MYO10: variants seen among roughly 807,000 people sequenced by gnomAD.
The protein encoded by MYO10 is unconventional myosin-X.
MYO10 carries 133 observed loss-of-function variants against 257.3 expected under a neutral mutation model. The ratio of observed to expected loss-of-function variants is 0.52; its 90% CI spans 0.45 to 0.60. MYO10 has a LOEUF of 0.60. MYO10 is among the 20% of genes least tolerant of loss of function. The pLI, the probability that MYO10 is intolerant of heterozygous loss-of-function variation, is 0.00. For missense variants in MYO10, 2,399 were observed against 2,635.7 expected (o/e 0.91, Z 1.97); for synonymous variants, 1,104 against 1,028.6 (o/e 1.07, Z -1.40).
intron 2 of MYO10, among the ~76,000 whole-genome samples, chr5:16,844,937 T>TACAC (rs758225533): frequency 1.4e-5 from 2 of 144,988 alleles, no homozygotes; most frequent in Non-Finnish European, 3.0e-5. Flanking sequence ...TAATTCCAGA[T>TACAC]ACACACACAC....
intron 27 of MYO10, among the ~76,000 whole-genome samples, chr5:16,692,013 A>G (rs1024413956): frequency 6.6e-6 from 1 of 152,186 alleles, no homozygotes; most frequent in African/African-American, 2.4e-5. Context: ...ATTAAAAGAG[A>G]CTTGAGTGAT....
intron 19 of MYO10, among the ~76,000 whole-genome samples, chr5:16,718,017 G>C (rs930041047): frequency 7.2e-5 from 11 of 152,234 alleles, no homozygotes; most frequent in Non-Finnish European, 1.5e-4. Flanking sequence ...TTGCGGGTGG[G>C]CGTGGGCTTG....
In MYO10 at chr5:16,760,981, T is replaced by TATTA. The variant is rs1464252499; in HGVS notation, c.1739+482_1739+483insTAAT. ...TTGCTTATATTATTATTATTATTAT[T>TATTA]AATTTATTTATTTATTTATTTATTT... On this transcript the variant is annotated intron_variant, in intron 17 of 40. Coordinates refer to ENST00000513610, the MANE Select transcript of MYO10 (RefSeq NM_012334.3). Among the ~76,000 whole-genome samples the TATTA allele has an allele frequency of 6.3e-5, 9 of 142,290 alleles. No homozygotes were observed. The East Asian group carries it at 1.8e-3, about 28-fold the overall frequency. 93.3% of individuals were successfully genotyped at this position (142,290 alleles called of 152,430 possible). A position where few individuals can be genotyped will look rare whatever the true frequency, so the allele number is the denominator to read the frequency against.
intron 9 of MYO10, among the ~76,000 whole-genome samples, chr5:16,776,386 A>AT (rs1178994772): frequency 2.0e-5 from 3 of 152,106 alleles, no homozygotes; most frequent in Non-Finnish European, 4.4e-5. Flanking sequence ...ATTATAGCAA[A>AT]AATGTCATGT....
chr5:16,666,363 T>TA lies in MYO10; in HGVS notation c.*328dup. 1 of 248,412 alleles carries TA rather than the reference T, an allele frequency of 4.0e-6. No individual in the cohort carries two copies. The allele number at this position is 248,412 out of a possible 1,614,324, so 15.4% of individuals were successfully genotyped here. On this transcript the variant is annotated 3_prime_UTR_variant, in exon 41 of 41. Coordinates refer to ENST00000513610, the MANE Select transcript of MYO10 (RefSeq NM_012334.3). The stretch of plus-strand genomic sequence containing the variant: ...AGGCAGTTCCCTTCAGTAGCACAGT[T>TA]ACGGTCGATTAGTGTTGGTTCCACA...
At chr5:16,730,564 A>G (rs1024396030) in intron 19 of MYO10, among the ~76,000 whole-genome samples, 4 of 152,232 alleles carry the variant, frequency 2.6e-5, no homozygotes, top group African/African-American at 9.6e-5. Context: ...ACAAATCAGT[A>G]TGGAGCAGAG....
chr5:16,752,635 T>C (rs1403910281), intron 19 of MYO10, among the ~76,000 whole-genome samples: 1 of 152,208 alleles, frequency 6.6e-6, no homozygotes, highest in Admixed American at 6.5e-5. Flanking sequence ...TTTGAAAGAT[T>C]AAATATGGCA....
rs757225427 is a variant in MYO10, at chr5:16,702,572, GCT to G, written c.2525_2526del (p.Glu842AlafsTer31). On this transcript the variant is annotated frameshift_variant, in exon 24 of 41. Coordinates refer to ENST00000513610, the MANE Select transcript of MYO10 (RefSeq NM_012334.3). LOFTEE classifies it high-confidence loss of function. ...REEEERERERERREAELRAQQ... is the reference protein window; with the variant it reads ...REEEERERERXRREAELRAQQ... ...TGGGCGCGGAGCTCGGCTTCTCTTCGCTCTCTCTCTCTTTCTCTAAAAATAGT... is the reference window on the plus strand; with the variant it reads ...TGGGCGCGGAGCTCGGCTTCTCTTCGCTCTCTCTCTTTCTCTAAAAATAGT... 31 of 1,585,942 alleles carry G rather than the reference GCT, an allele frequency of 2.0e-5. No homozygotes were observed. The highest frequency in any genetic ancestry group is 6.8e-5 in the East Asian group (3 of 43,982).
chr5:16,777,424 T>G (rs1353710213), intron 9 of MYO10, among the ~76,000 whole-genome samples: 5 of 151,824 alleles, frequency 3.3e-5, no homozygotes. Flanking sequence ...ATGATTTATA[T>G]CCATTTGTTA....
chr5:16,668,377 TC>T lies in MYO10; in HGVS notation c.5974del (p.Glu1992LysfsTer42). On this transcript the variant is annotated frameshift_variant, in exon 40 of 41. Coordinates refer to ENST00000513610, the MANE Select transcript of MYO10 (RefSeq NM_012334.3). LOFTEE classifies it high-confidence loss of function. Reference protein sequence around the residue: ...VYKRGEGRPLEVFQYEHILSF... With the variant: ...VYKRGEGRPLXVFQYEHILSF... The stretch of plus-strand genomic sequence containing the variant: ...GAGGATGTGTTCATACTGGAAGACT[TC>T]CAGTGGTCTTCCCTCTCCACGCTTG... 1 of 1,613,938 alleles carries T rather than the reference TC, an allele frequency of 6.2e-7. No individual in the cohort carries two copies. The highest frequency in any genetic ancestry group is 8.5e-7 in the Non-Finnish European group (1 of 1,179,858).
Position 16,694,549 on chromosome 5 carries a change from G to T in MYO10, c.3622C>A (p.Arg1208Ser). ...VLKDETFLWF[R>S]SKQEALKQGW... Reference sequence around the variant, plus strand: ...TGCTTGAGGGCCTCCTGCTTGGAGCGGAACCACAAGAAGGTTTCATCCTTG... The same window carrying T: ...TGCTTGAGGGCCTCCTGCTTGGAGCTGAACCACAAGAAGGTTTCATCCTTG... Residue 1208 changes from arginine (R) to serine (S), a missense_variant, in exon 27 of 41, where the codon CGC (arginine) becomes AGC (serine). Arg to Ser is a moderately radical substitution (Grantham distance 110). Coordinates refer to ENST00000513610, the MANE Select transcript of MYO10 (RefSeq NM_012334.3). 6.2e-7 allele frequency: 1 copy of T among 1,613,962 alleles called. No homozygotes were observed. Among genetic ancestry groups the T allele is most frequent in the East Asian group, 2.2e-5 (1 of 44,882 alleles).
chr5:16,895,903 G>A (rs1745204842), intron 1 of MYO10, among the ~76,000 whole-genome samples: 1 of 152,120 alleles, frequency 6.6e-6, no homozygotes, highest in Non-Finnish European at 1.5e-5. Flanking sequence ...TGCAAGGGGG[G>A]CCCTGCCGCA....
intron 26 of MYO10, among the ~76,000 whole-genome samples, chr5:16,698,413 G>T (rs1460137171): frequency 6.6e-6 from 1 of 152,068 alleles, no homozygotes; most frequent in Non-Finnish European, 1.5e-5. Flanking sequence ...TTTCCAAAAG[G>T]AGTGTGCCTC....
chr5:16,720,724 C>T (rs943808512), intron 19 of MYO10, among the ~76,000 whole-genome samples: 1 of 152,226 alleles, frequency 6.6e-6, no homozygotes, highest in Non-Finnish European at 1.5e-5. Flanking sequence ...TCCCAAATTG[C>T]TGGGATTACA....
chr5:16,758,784 T>G (rs1325420507), intron 17 of MYO10, among the ~76,000 whole-genome samples: 1 of 152,028 alleles, frequency 6.6e-6, no homozygotes, highest in Non-Finnish European at 1.5e-5. Context: ...TAATGCCAGG[T>G]GAGAATGAAA....
intron 19 of MYO10, among the ~76,000 whole-genome samples, chr5:16,740,863 A>G (rs1232542964): frequency 1.3e-5 from 2 of 151,856 alleles, no homozygotes; most frequent in Non-Finnish European, 2.9e-5. Flanking sequence ...GTGTCAGATT[A>G]ATTACTCTCT....
In MYO10 at chr5:16,794,687, G is replaced by A. The variant is rs1741877658; in HGVS notation, c.426C>T (p.Arg142=). 1.2e-6 allele frequency: 2 copies of A among 1,613,506 alleles called. No individual in the cohort carries two copies. Among genetic ancestry groups the A allele is most frequent in the Non-Finnish European group, 1.7e-6 (2 of 1,179,698 alleles). Residue 142 remains arginine, a synonymous_variant, in exon 4 of 41, where the codon CGC becomes CGT. Coordinates refer to ENST00000513610, the MANE Select transcript of MYO10 (RefSeq NM_012334.3). The stretch of plus-strand genomic sequence containing the variant: ...GGTTGTCGTGGCGCTTCCACAGGCA[G>A]CGGTAGCACTCGTTGGCGATGGCGA... ...HIFAIANECY[R]CLWKRHDNQC...
At chr5:16,667,498 G>T (rs372093142) in intron 40 of MYO10, among the ~76,000 whole-genome samples, 6 of 152,138 alleles carry the variant, frequency 3.9e-5, no homozygotes, top group African/African-American at 1.4e-4. Flanking sequence ...CACAATCAAA[G>T]ATCCCACAGT....
rs111883830 is a variant in MYO10, at chr5:16,712,719, G to A, written c.1930-1474C>T. Among the ~76,000 whole-genome samples, 744 of 152,272 alleles carry A rather than the reference G, an allele frequency of 4.9e-3. 9 individuals carry two copies. The highest frequency in any genetic ancestry group is 0.017 in the African/African-American group (706 of 41,542). On this transcript the variant is annotated intron_variant, in intron 19 of 40. Transcript: ENST00000513610. ...GGAATAGCTGCCATCAGCCCTAGTG[G>A]GCTGACTTCTCTCATATTTAATTTC...
Sources: gnomAD v4.1 joint callset for allele counts (sites outside exome capture counted in the v4.1 genomes callset) on GRCh38, gnomAD v4.1.1 for gene constraint, MANE v1.5 for transcripts, NCBI Gene and HGNC (gene_info 2026-07-23, HGNC 2026-07-21) for gene names.